The following RREB1 variants were observed in gnomAD, a reference collection of about 807,000 sequenced individuals.
The protein encoded by RREB1 is ras responsive element binding protein 1, also known as ras-responsive element-binding protein 1.
RREB1 carries 27 observed loss-of-function variants against 117.8 expected under a neutral mutation model. The observed-to-expected ratio is 0.23, with a 90% CI of 0.17 to 0.32. The LOEUF is 0.32. Ranked by LOEUF, RREB1 falls within the 10% of genes least tolerant of loss-of-function variation. RREB1 has a pLI of 1.00. For missense variants in RREB1, 2,577 were observed against 2,378.2 expected, an observed-to-expected ratio of 1.08 and a Z score of -1.74; for synonymous variants, 1,298 against 1,026.7, an observed-to-expected ratio of 1.26 and a Z score of -5.05.
intron 10 of RREB1, among the ~76,000 whole-genome samples, chr6:7,234,574 G>T (rs1768200538): frequency 1.3e-5 from 2 of 152,240 alleles, no homozygotes. Flanking sequence ...CAGGAGGTTT[G>T]TTTAAGTTAG....
chr6:7,186,641 A>G (rs1765095982), intron 4 of RREB1, among the ~76,000 whole-genome samples: 1 of 152,198 alleles, frequency 6.6e-6, no homozygotes, highest in African/African-American at 2.4e-5. Context: ...TTATTTGGAA[A>G]GAGGATCTGT....
At position 7,229,770 on chromosome 6, in the gene RREB1, C is replaced by T. The variant is rs750843423; in HGVS notation, c.1671C>T (p.Ala557=). ...TCCTCAAAGGCTCAGTGGAGGCGGC[C>T]TCCAACGCCCACCTGCTGCAGTCCA... ...LKLLKGSVEA[A]SNAHLLQSKS... The change falls in exon 10 of 13, where the codon GCC becomes GCT. Residue 557 remains alanine (A), a synonymous_variant. Transcript: ENST00000379938. The surrounding 1 kb of genome is among the most constrained non-coding windows in gnomAD (Gnocchi z 4.5). The T allele has an allele frequency of 2.5e-6, 4 of 1,606,164 alleles. No individual in the cohort carries two copies. The South Asian group carries it at 3.3e-5, about 13-fold the overall frequency.
chr6:7,249,023 T>G lies in RREB1; in HGVS notation c.*55T>G, dbSNP rs2113212544. The G allele has an allele frequency of 1.6e-5, 21 of 1,351,034 alleles. No homozygotes were observed. The South Asian group carries it at 2.9e-4, about 19-fold the overall frequency. The allele number at this position is 1,351,034 out of a possible 1,614,324, so 83.7% of individuals were successfully genotyped here. ...AGCCAGCAGAGCAAAGCGTCTATAC[T>G]TCATGGGGTTTCCTCAGTGCCCTTT... On this transcript the variant is annotated 3_prime_UTR_variant, in exon 13 of 13. Transcript: ENST00000379938.
intron 8 of RREB1, among the ~76,000 whole-genome samples, chr6:7,220,630 A>G (rs1462346358): frequency 2.0e-5 from 3 of 152,248 alleles, no homozygotes; most frequent in Admixed American, 6.5e-5. Context: ...CTCTGTTGCC[A>G]GAAAATCAAA....
rs564434803 is a variant in RREB1 at position 7,231,676 on chromosome 6, T to C, written c.3577T>C (p.Phe1193Leu). The stretch of plus-strand genomic sequence containing the variant: ...GCTGGCCACCACAGACACCAACAAG[T>C]TCAGTCCGTTTCTGCAGACAGCGGA... Reference protein sequence around the residue: ...KMLATTDTNKFSPFLQTAEDN... With the variant: ...KMLATTDTNKLSPFLQTAEDN... The change falls in exon 10 of 13, where the codon TTC becomes CTC. Residue 1193 changes from phenylalanine (F) to leucine (L), a missense_variant. Phe to Leu is a conservative substitution (Grantham distance 22). Transcript: ENST00000379938. 6 of 1,611,658 alleles carry C rather than the reference T, an allele frequency of 3.7e-6. No individual in the cohort carries two copies. Among genetic ancestry groups the C allele is most frequent in the South Asian group, 1.1e-5 (1 of 91,024 alleles).
intron 8 of RREB1, 129 bp from the exon 9 acceptor site, chr6:7,226,338 T>A: frequency 1.5e-6 from 1 of 662,992 alleles, no homozygotes; most frequent in South Asian, 2.3e-5. Flanking sequence ...TGACATCATA[T>A]CATTTTTATT....
chr6:7,152,590 T>TATAAATG (rs1189298432), intron 1 of RREB1, among the ~76,000 whole-genome samples: 2 of 152,198 alleles, frequency 1.3e-5, no homozygotes, highest in African/African-American at 4.8e-5. Context: ...TTTTTTTTCC[T>TATAAATG]TTCCTTTTTG....
intron 1 of RREB1, among the ~76,000 whole-genome samples, chr6:7,140,476 A>C (rs1167598624): frequency 6.6e-6 from 1 of 152,262 alleles, no homozygotes; most frequent in East Asian, 1.9e-4. Flanking sequence ...ATGAAATCTG[A>C]AACACAGATA....
intron 4 of RREB1, among the ~76,000 whole-genome samples, chr6:7,182,525 A>G (rs1485435415): frequency 6.6e-6 from 1 of 152,220 alleles, no homozygotes; most frequent in Non-Finnish European, 1.5e-5. Flanking sequence ...GGCTTCAGAT[A>G]ATTCCAGTTA....
chr6:7,141,399 C>G (rs1196202439), intron 1 of RREB1, among the ~76,000 whole-genome samples: 1 of 152,222 alleles, frequency 6.6e-6, no homozygotes, highest in Non-Finnish European at 1.5e-5. Context: ...TTTAGCAACT[C>G]AGCTCCTTAA....
intron 1 of RREB1, among the ~76,000 whole-genome samples, chr6:7,129,787 C>A (rs1245474816): frequency 6.6e-6 from 1 of 152,192 alleles, no homozygotes; most frequent in Non-Finnish European, 1.5e-5. Flanking sequence ...TCCACTTTAG[C>A]CCTGACATAG....
At chr6:7,158,687 A>G (rs1356824569) in intron 1 of RREB1, among the ~76,000 whole-genome samples, 1 of 152,188 alleles carries the variant, frequency 6.6e-6, no homozygotes, top group Non-Finnish European at 1.5e-5. Flanking sequence ...CCTCTTACCA[A>G]GTGGTAAGCT....
chr6:7,238,968 A>G (rs9505090), intron 10 of RREB1, among the ~76,000 whole-genome samples: 2,667 of 152,262 alleles, frequency 0.018, 90 homozygotes, highest in African/African-American at 0.06. Context: ...CAGGCTCTGT[A>G]TGAATGGCGC....
Position 7,248,685 on chromosome 6 carries a change from A to T in RREB1, c.4946A>T (p.Asn1649Ile). The T allele has an allele frequency of 1.2e-6, 2 of 1,614,160 alleles. No homozygotes were observed. The highest frequency in any genetic ancestry group is 1.7e-6 in the Non-Finnish European group (2 of 1,180,030). ...GAGAATGAGTCCACCCACAGCGGCA[A>T]CAACGCCGTCTCAGAGAACGAGGCT... Reference protein sequence around the residue: ...DSENESTHSGNNAVSENEAEL... With the variant: ...DSENESTHSGINAVSENEAEL... Residue 1649 changes from asparagine to isoleucine, a missense_variant, in exon 13 of 13, where the codon AAC (asparagine) becomes ATC (isoleucine). Coordinates refer to ENST00000379938, the MANE Select transcript of RREB1 (RefSeq NM_001003699.4).
chr6:7,221,324 G>A (rs902263534), intron 8 of RREB1, among the ~76,000 whole-genome samples: 16 of 152,178 alleles, frequency 1.1e-4, no homozygotes, highest in Non-Finnish European at 1.5e-4. Context: ...GCCCGCCACT[G>A]CGCCCGGCTA....
At chr6:7,218,906 G>T (rs963239371) in intron 8 of RREB1, 1 of 149,622 alleles carries the variant, frequency 6.7e-6, no homozygotes, top group Non-Finnish European at 1.5e-5. Flanking sequence ...TCTGTGCCCT[G>T]CCTAAATAGG....
At chr6:7,244,399 C>A (rs751575785) in intron 11 of RREB1, among the ~76,000 whole-genome samples, 1 of 152,144 alleles carries the variant, frequency 6.6e-6, no homozygotes, top group Non-Finnish European at 1.5e-5. Context: ...ATAGGGAGAC[C>A]CTGACTCTAG....
intron 10 of RREB1, among the ~76,000 whole-genome samples, chr6:7,234,733 G>T (rs189603079): frequency 4.9e-4 from 74 of 152,336 alleles, no homozygotes; most frequent in African/African-American, 1.6e-3. Context: ...TCCTGTGAGG[G>T]TGATGTCATC....
At chr6:7,168,901 C>A (rs758227900) in intron 1 of RREB1, among the ~76,000 whole-genome samples, 1 of 149,776 alleles carries the variant, frequency 6.7e-6, no homozygotes, top group Non-Finnish European at 1.5e-5. Context: ...CTATATCTAG[C>A]AAATAACCTA....
Sources: allele counts gnomAD v4.1 joint callset (sites outside exome capture counted in the v4.1 genomes callset), GRCh38; gene constraint gnomAD v4.1.1; non-coding constraint Gnocchi (gnomAD v3.1); transcripts MANE v1.5; gene names NCBI Gene and HGNC (gene_info 2026-07-23, HGNC 2026-07-21).